SLC34A2: variants seen among roughly 807,000 people sequenced by gnomAD.
The protein encoded by SLC34A2 is solute carrier family 34 member 2.
Under a neutral mutation model 50.8 loss-of-function variants are expected in SLC34A2, and 41 were observed. That is an observed-to-expected ratio of 0.81 (90% CI 0.63 to 1.05). The LOEUF (loss-of-function observed/expected upper bound fraction) is 1.05. Ranked by LOEUF, SLC34A2 falls within the 50% of genes least tolerant of loss-of-function variation. The pLI, the probability that SLC34A2 is intolerant of heterozygous loss-of-function variation, is 0.00. For synonymous variants in SLC34A2, 401 were observed against 364.2 expected (o/e 1.10, Z -1.15); for missense variants, 879 against 876.7 (o/e 1.00, Z -0.03).
intron 1 of SLC34A2, among the ~76,000 whole-genome samples, chr4:25,662,079 C>T (rs566241309): frequency 1.1e-4 from 17 of 152,240 alleles, no homozygotes; most frequent in Non-Finnish European, 2.5e-4. Context: ...ACCATGTTGT[C>T]AAGGCTGGTC....
rs756688616 is a variant in SLC34A2, at chr4:25,674,679, T to C, written c.1458+50T>C. 1.9e-6 allele frequency: 3 copies of C among 1,610,498 alleles called. No individual in the cohort carries two copies. In the South Asian group the frequency reaches 3.3e-5, roughly 18 times the overall value. ...GGGGCCCTGGGAGTGGGACCACCCA[T>C]GGTCTTGCAAACTGGTCTCTAACAA... is the stretch of plus-strand genomic sequence containing the variant. On this transcript the variant is annotated intron_variant, in intron 12 of 12. Coordinates refer to ENST00000382051, the MANE Select transcript of SLC34A2 (RefSeq NM_006424.3).
chr4:25,663,816 G>A (rs377699568), intron 3 of SLC34A2, among the ~76,000 whole-genome samples: 3 of 152,178 alleles, frequency 2.0e-5, no homozygotes, highest in African/African-American at 4.8e-5. Flanking sequence ...TGTTTGGAAC[G>A]TGACAGCCAT....
chr4:25,674,681 G>T, intron 12 of SLC34A2, 52 bp downstream of exon 12: 2 of 1,609,844 alleles, frequency 1.2e-6, no homozygotes, highest in Non-Finnish European at 8.5e-7. Flanking sequence ...ACCACCCATG[G>T]TCTTGCAAAC....
chr4:25,656,865 G>A (rs984055924), intron 1 of SLC34A2, among the ~76,000 whole-genome samples: 8 of 152,140 alleles, frequency 5.3e-5, no homozygotes, highest in African/African-American at 1.7e-4. Flanking sequence ...AGCCCTGATC[G>A]CTCTGGGCCT....
chr4:25,672,052 G>A (rs969038198), intron 9 of SLC34A2, among the ~76,000 whole-genome samples: 1 of 152,068 alleles, frequency 6.6e-6, no homozygotes, highest in African/African-American at 2.4e-5. Context: ...TAACTCTAGG[G>A]GCCAGGCATG....
chr4:25,662,542 C>T lies in SLC34A2; in HGVS notation c.42C>T (p.Pro14=), dbSNP rs61740664. The T allele has an allele frequency of 5.0e-4, 802 of 1,614,052 alleles. 3 individuals are homozygous for T. The African/African-American group carries it at 9.5e-3, about 19-fold the overall frequency. Residue 14 remains proline, a synonymous_variant, in exon 2 of 13, where the codon CCC becomes CCT. Transcript: ENST00000382051. The part of the protein sequence containing the change: ...WPELGDAQPN[P]DKYLEGAAGQ... ...AATTGGGAGATGCCCAGCCCAACCCCGATAAGTACCTCGAAGGGGCCGCAG... is the reference window on the plus strand; with the variant it reads ...AATTGGGAGATGCCCAGCCCAACCCTGATAAGTACCTCGAAGGGGCCGCAG...
At chr4:25,665,886 C>G (rs1714468285) in intron 4 of SLC34A2, among the ~76,000 whole-genome samples, 1 of 152,040 alleles carries the variant, frequency 6.6e-6, no homozygotes, top group South Asian at 2.1e-4. Context: ...GGTCGGGAAC[C>G]AGGGCAGAGA....
At chr4:25,664,917 G>A (rs116558724) in intron 4 of SLC34A2, 278 of 232,276 alleles carry the variant, frequency 1.2e-3, no homozygotes, top group African/African-American at 5.7e-3. Context: ...AGGCATTTTC[G>A]GGGGCCCTCT....
Position 25,676,796 on chromosome 4 carries a change from G to A in SLC34A2, c.*47G>A. 6.2e-7 allele frequency: 1 copy of A among 1,612,280 alleles called. No individual in the cohort carries two copies. The highest frequency in any genetic ancestry group is 8.5e-7 in the Non-Finnish European group (1 of 1,179,172). On this transcript the variant is annotated 3_prime_UTR_variant, in exon 13 of 13. Coordinates refer to ENST00000382051, the MANE Select transcript of SLC34A2 (RefSeq NM_006424.3). ...GATGGGGGGATGGTCCTTGAGTTTT[G>A]CATGCTCTCCTCCCTCCCACTTCTG...
In SLC34A2 at chr4:25,674,599, C is replaced by T; in HGVS notation, c.1428C>T (p.Ser476=). 1 of 1,614,242 alleles carries T rather than the reference C, an allele frequency of 6.2e-7. No homozygotes were observed. Among genetic ancestry groups the T allele is most frequent in the Non-Finnish European group, 8.5e-7 (1 of 1,180,044 alleles). ...CCGCCATCCTGGCCGCCTTAGCCAG[C>T]CCTGGCAATGCATTGAGGAGTTCAC... ...TTTAILAALA[S]PGNALRSSLQ... is the part of the protein sequence containing the mutation. Residue 476 remains serine (S), a synonymous_variant, in exon 12 of 13, where the codon AGC becomes AGT. Transcript: ENST00000382051.
chr4:25,678,589 C>T lies in SLC34A2; in HGVS notation c.*1840C>T. 1 of 281,184 alleles carries T rather than the reference C, an allele frequency of 3.6e-6. No individual in the cohort carries two copies. The highest frequency in any genetic ancestry group is 6.8e-6 in the Non-Finnish European group (1 of 147,370). 17.4% of individuals were successfully genotyped at this position (281,184 alleles called of 1,614,324 possible). On this transcript the variant is annotated 3_prime_UTR_variant, in exon 13 of 13. Coordinates refer to ENST00000382051, the MANE Select transcript of SLC34A2 (RefSeq NM_006424.3). ...TGAGACCAGGTCTCGCTGTGTTGCT[C>T]AGGCTGGTCTCAAACTCCTGAGATC... is the stretch of plus-strand genomic sequence containing the variant.
intron 1 of SLC34A2, among the ~76,000 whole-genome samples, chr4:25,657,618 T>G (rs953653060): frequency 6.6e-6 from 1 of 152,226 alleles, no homozygotes; most frequent in African/African-American, 2.4e-5. Context: ...AGGGTGTGGT[T>G]TGGTGATATG....
chr4:25,671,449 A>C, intron 8 of SLC34A2, 152 bp from the exon 9 acceptor site: 1 of 899,478 alleles, frequency 1.1e-6, no homozygotes, highest in Non-Finnish European at 1.8e-6. Context: ...AAAGGTGAGA[A>C]ATAAGTCTTC....
intron 1 of SLC34A2, 40 bp from the exon 2 acceptor site, chr4:25,662,458 T>C (rs1714245813): frequency 6.3e-7 from 1 of 1,575,096 alleles, no homozygotes; most frequent in Non-Finnish European, 8.7e-7. Flanking sequence ...GTGTGCCTCC[T>C]TTCCATGACT....
In SLC34A2 at chr4:25,666,155, A is replaced by G. The variant is rs552509301; in HGVS notation, c.407A>G (p.Asn136Ser). 6.2e-7 allele frequency: 1 copy of G among 1,613,936 alleles called. No individual in the cohort carries two copies. The highest frequency in any genetic ancestry group is 1.3e-5 in the African/African-American group (1 of 75,038). Residue 136 changes from asparagine to serine, a missense_variant, in exon 5 of 13, where the codon AAC becomes AGC. Coordinates refer to ENST00000382051, the MANE Select transcript of SLC34A2 (RefSeq NM_006424.3). ...AAAATGGCAGGACAGTTCTTCAGCA[A>G]CAGCTCTATTATGTCCAACCCTTTG... Reference protein sequence around the residue: ...GGKMAGQFFSNSSIMSNPLLG... With the variant: ...GGKMAGQFFSSSSIMSNPLLG...
chr4:25,662,449 T>G, intron 1 of SLC34A2, 49 bp from the exon 2 acceptor site: 1 of 1,507,460 alleles, frequency 6.6e-7, no homozygotes, highest in Non-Finnish European at 9.2e-7. Context: ...AGCATCTCGG[T>G]GTGCCTCCTT....
intron 1 of SLC34A2, among the ~76,000 whole-genome samples, chr4:25,658,849 A>G (rs1364721466): frequency 6.6e-6 from 1 of 152,084 alleles, no homozygotes; most frequent in African/African-American, 2.4e-5. Context: ...AGAAAGGCTT[A>G]GAGGGGCTCA....
Position 25,676,773 on chromosome 4 carries a change from T to TG in SLC34A2, c.*30dup, listed in dbSNP as rs1715157758. ...AGGGGACGCCCCAGATTGTCAGGGATGGGGGGATGGTCCTTGAGTTTTGCA... is the reference window on the plus strand; with the variant it reads ...AGGGGACGCCCCAGATTGTCAGGGATGGGGGGGATGGTCCTTGAGTTTTGCA... On this transcript the variant is annotated 3_prime_UTR_variant, in exon 13 of 13. Transcript: ENST00000382051. The TG allele has an allele frequency of 8.7e-6, 14 of 1,613,808 alleles. No homozygotes were observed. The highest frequency in any genetic ancestry group is 1.0e-5 in the Non-Finnish European group (12 of 1,179,958).
rs377039737 is a variant in SLC34A2, at chr4:25,668,657, AT to A, written c.635+667del. On this transcript the variant is annotated intron_variant, in intron 6 of 12. Coordinates refer to ENST00000382051, the MANE Select transcript of SLC34A2 (RefSeq NM_006424.3). ...ACTCCATCTAAAAAAAAAAAAAAAA[AT>A]AAATAAATACTGTTTTGTTTGGTCA... is the stretch of plus-strand genomic sequence containing the variant. 2.7e-3 allele frequency among the ~76,000 whole-genome samples: 399 copies of A among 150,204 alleles called. 4 individuals carry two copies. Among genetic ancestry groups the A allele is most frequent in the Non-Finnish European group, 2.6e-3 (176 of 67,838 alleles).
Sources: allele counts gnomAD v4.1 joint callset (sites outside exome capture counted in the v4.1 genomes callset), GRCh38; gene constraint gnomAD v4.1.1; transcripts MANE v1.5; gene names NCBI Gene and HGNC (gene_info 2026-07-23, HGNC 2026-07-21).